ITSN1: variants seen among roughly 807,000 people sequenced by gnomAD.
The protein encoded by ITSN1 is intersectin 1, also known as intersectin-1.
A neutral mutation model predicts 239.8 loss-of-function variants in ITSN1; 58 were observed. The observed-to-expected ratio is 0.24, with a 90% CI of 0.20 to 0.30. The LOEUF (loss-of-function observed/expected upper bound fraction) is 0.30, where lower values mean the gene tolerates loss of function less well. ITSN1 is among the 10% of genes least tolerant of loss of function. The pLI, the probability that ITSN1 is intolerant of heterozygous loss-of-function variation, is 1.00. For synonymous variants in ITSN1, 780 were observed against 770.8 expected (o/e 1.01, Z -0.20); for missense variants, 1,558 against 2,103.3 (o/e 0.74, Z 5.07).
chr21:33,750,067 C>A, intron 5 of ITSN1, 76 bp from the exon 6 acceptor site: 13 of 1,302,424 alleles, frequency 1.0e-5, no homozygotes, highest in Non-Finnish European at 1.4e-5. Context: ...TTTCTTTAAG[C>A]AGTACTGGGT....
chr21:33,866,668 A>C (rs1372560471), intron 32 of ITSN1, among the ~76,000 whole-genome samples: 1 of 152,182 alleles, frequency 6.6e-6, no homozygotes. Flanking sequence ...CTAAGGCATT[A>C]AACCAGACCA....
At chr21:33,866,847 T>G (rs1981687868) in intron 32 of ITSN1, among the ~76,000 whole-genome samples, 1 of 152,056 alleles carries the variant, frequency 6.6e-6, no homozygotes, top group Non-Finnish European at 1.5e-5. Flanking sequence ...GTAAGGGGAA[T>G]TTTTCCTCTA....
intron 26 of ITSN1, among the ~76,000 whole-genome samples, chr21:33,828,615 C>T (rs1482278778): frequency 6.6e-6 from 1 of 152,204 alleles, no homozygotes; most frequent in East Asian, 1.9e-4. Context: ...TTCTTCTTTA[C>T]TTCATTCCCT....
intron 29 of ITSN1, among the ~76,000 whole-genome samples, chr21:33,845,516 T>G (rs2074964630): frequency 6.6e-6 from 1 of 152,098 alleles, no homozygotes; most frequent in Non-Finnish European, 1.5e-5. Context: ...AAGACCCGAA[T>G]CTACTTGGTC....
intron 1 of ITSN1, among the ~76,000 whole-genome samples, chr21:33,684,679 T>G (rs570528539): frequency 6.6e-6 from 1 of 152,292 alleles, no homozygotes; most frequent in African/African-American, 2.4e-5. Context: ...GTTTAATTTA[T>G]TCCTGATATT....
chr21:33,878,242 A>G (rs1984330510), intron 34 of ITSN1, among the ~76,000 whole-genome samples: 1 of 152,126 alleles, frequency 6.6e-6, no homozygotes, highest in Non-Finnish European at 1.5e-5. Context: ...CATGTTGCCC[A>G]GGCTGGTCTC....
chr21:33,861,040 C>T (rs1479287320), intron 31 of ITSN1, among the ~76,000 whole-genome samples: 1 of 152,200 alleles, frequency 6.6e-6, no homozygotes, highest in African/African-American at 2.4e-5. Context: ...TGGCTCATGT[C>T]TTCATCCTCC....
At chr21:33,876,508 G>C (rs1411225985) in intron 34 of ITSN1, among the ~76,000 whole-genome samples, 1 of 152,182 alleles carries the variant, frequency 6.6e-6, no homozygotes, top group Non-Finnish European at 1.5e-5. Context: ...GGGACCACAG[G>C]TGCATGCCAC....
chr21:33,696,731 T>TAA (rs943037674), intron 1 of ITSN1, among the ~76,000 whole-genome samples: 2 of 152,180 alleles, frequency 1.3e-5, no homozygotes, highest in Non-Finnish European at 2.9e-5. Context: ...TTTTCGGTGT[T>TAA]ATGGTGTTAT....
chr21:33,824,427 A>G (rs1164175399), intron 25 of ITSN1, among the ~76,000 whole-genome samples: 1 of 151,824 alleles, frequency 6.6e-6, no homozygotes, highest in Non-Finnish European at 1.5e-5. Flanking sequence ...TAAAAAAACC[A>G]ACAAGAATTA....
Position 33,899,576 on chromosome 21 carries a change from C to T in ITSN1, c.*11276C>T, listed in dbSNP as rs1484811495. ...ATGAAGCAGGGCCAAAACATTGTTT[C>T]TTCTTTTTTGTTTGAAAGAAGCTGA... On this transcript the variant is annotated 3_prime_UTR_variant, in exon 40 of 40. Coordinates refer to ENST00000381318, the MANE Select transcript of ITSN1 (RefSeq NM_003024.3). 2.0e-5 allele frequency: 3 copies of T among 152,124 alleles called. No homozygotes were observed. The highest frequency in any genetic ancestry group is 7.2e-5 in the African/African-American group (3 of 41,426). 9.4% of individuals were successfully genotyped at this position (152,124 alleles called of 1,614,324 possible).
rs1249324378 is a variant in ITSN1 at position 33,896,680 on chromosome 21, A to T, written c.*8380A>T. The T allele has an allele frequency of 6.6e-6, 1 of 152,234 alleles. No individual in the cohort carries two copies. Among genetic ancestry groups the T allele is most frequent in the Non-Finnish European group, 1.5e-5 (1 of 68,050 alleles). 9.4% of individuals were successfully genotyped at this position (152,234 alleles called of 1,614,324 possible). A position where few individuals can be genotyped will look rare whatever the true frequency, so the allele number is the denominator to read the frequency against. Reference sequence around the variant, plus strand: ...AAGTAGCCTCAAGTTCTAGAAGACCATGGCCCCGGGAGGCAGCTGACCATG... The same window carrying T: ...AAGTAGCCTCAAGTTCTAGAAGACCTTGGCCCCGGGAGGCAGCTGACCATG... On this transcript the variant is annotated 3_prime_UTR_variant, in exon 40 of 40. Coordinates refer to ENST00000381318, the MANE Select transcript of ITSN1 (RefSeq NM_003024.3).
At chr21:33,792,269 A>G (rs1427030580) in intron 16 of ITSN1, among the ~76,000 whole-genome samples, 1 of 151,952 alleles carries the variant, frequency 6.6e-6, no homozygotes, top group Non-Finnish European at 1.5e-5. Flanking sequence ...CAGTGGCGCG[A>G]TCTTGGCTCA....
intron 28 of ITSN1, among the ~76,000 whole-genome samples, chr21:33,835,049 G>A (rs1820126235): frequency 6.6e-6 from 1 of 152,184 alleles, no homozygotes; most frequent in Non-Finnish European, 1.5e-5. Context: ...AGGTCAGGGG[G>A]AGCAGATTTC....
rs779957035 is a variant in ITSN1 at position 33,834,310 on chromosome 21, C to T, written c.3355C>T (p.Arg1119Cys). Residue 1119 changes from arginine to cysteine, a missense_variant, in exon 28 of 40, where the codon CGT becomes TGT. Around this residue, in one of 2 missense-constraint regions of ITSN1, gnomAD observed 576 missense variants for 893.3 expected, o/e 0.64. Transcript: ENST00000381318. ...GGWWEGELQA[R>C]GKKRQIGWFP... ...GATGTAATTATTTTCTTACTAGGCA[C>T]GTGGGAAAAAGCGCCAGATAGGCTG... 7 of 1,611,868 alleles carry T rather than the reference C, an allele frequency of 4.3e-6. No homozygotes were observed. Among genetic ancestry groups the T allele is most frequent in the Admixed American group, 1.7e-5 (1 of 59,906 alleles).
chr21:33,665,970 C>A (rs2089905912), intron 1 of ITSN1, among the ~76,000 whole-genome samples: 1 of 151,352 alleles, frequency 6.6e-6, no homozygotes, highest in African/African-American at 2.4e-5. Context: ...GCTCTGTTGC[C>A]CAGGCTGAAG....
chr21:33,749,894 C>A (rs1192217900), intron 5 of ITSN1, among the ~76,000 whole-genome samples: 1 of 152,052 alleles, frequency 6.6e-6, no homozygotes, highest in Non-Finnish European at 1.5e-5. Flanking sequence ...GCCTTTAAGT[C>A]CACTGCAGTT....
At chr21:33,814,833 C>G (rs1200153944) in intron 22 of ITSN1, among the ~76,000 whole-genome samples, 1 of 152,102 alleles carries the variant, frequency 6.6e-6, no homozygotes, top group Non-Finnish European at 1.5e-5. Flanking sequence ...TAGGGCAGGC[C>G]TGGACCCAGC....
chr21:33,868,854 AG>A (rs952569062), intron 33 of ITSN1, among the ~76,000 whole-genome samples: 2 of 152,126 alleles, frequency 1.3e-5, no homozygotes, highest in Non-Finnish European at 2.9e-5. Context: ...GAGGGCTGTG[AG>A]GACTGCCAGC....
Sources: allele counts gnomAD v4.1 joint callset (sites outside exome capture counted in the v4.1 genomes callset), GRCh38; gene constraint gnomAD v4.1.1; regional missense constraint gnomAD v4.1.1; transcripts MANE v1.5; gene names NCBI Gene and HGNC (gene_info 2026-07-23, HGNC 2026-07-21).